LGR5: variants seen among roughly 807,000 people sequenced by gnomAD.
The protein encoded by LGR5 is leucine-rich repeat-containing G protein-coupled receptor 5.
In LGR5, 54 loss-of-function variants were observed where a neutral mutation model predicts 76.7. The observed-to-expected ratio is 0.70, with a 90% CI of 0.57 to 0.88. The LOEUF (loss-of-function observed/expected upper bound fraction) is 0.88, where lower values mean the gene tolerates loss of function less well. LGR5 is among the 40% of genes least tolerant of loss of function. The pLI is 0.00. For missense variants in LGR5, 1,078 were observed against 1,073.3 expected, an observed-to-expected ratio of 1.00 and a Z score of -0.06; for synonymous variants, 406 against 421.9, an observed-to-expected ratio of 0.96 and a Z score of 0.46.
chr12:71,471,379 G>T (rs1002197420), intron 1 of LGR5, among the ~76,000 whole-genome samples: 2 of 152,166 alleles, frequency 1.3e-5, no homozygotes, highest in Non-Finnish European at 2.9e-5. Context: ...GAGTCTGTTT[G>T]TACAAAATGT....
chr12:71,524,590 T>C, intron 3 of LGR5, 113 bp downstream of exon 3: 1 of 633,754 alleles, frequency 1.6e-6, no homozygotes, highest in Non-Finnish European at 2.7e-6. Context: ...ATGGGATAAT[T>C]CATCTAAATT....
chr12:71,440,192 T>G lies in LGR5; in HGVS notation c.112T>G (p.Cys38Gly). ...GVLLRGCPTH[C>G]HCEPDGRMLL... ...GTTGCTGAGGGGCTGCCCCACACAC[T>G]GTCATTGCGAGCCCGACGGCAGGAT... is the stretch of plus-strand genomic sequence containing the variant. The change falls in exon 1 of 18, where the codon TGT (cysteine) becomes GGT (glycine). Residue 38 changes from cysteine (C) to glycine (G), a missense_variant. Coordinates refer to ENST00000266674, the MANE Select transcript of LGR5 (RefSeq NM_003667.4). This position sits in a 1 kb window ranked among gnomAD's most constrained non-coding sequence, Gnocchi z 5.3. 6.2e-7 allele frequency: 1 copy of G among 1,612,624 alleles called. No individual in the cohort carries two copies. The highest frequency in any genetic ancestry group is 1.3e-5 in the African/African-American group (1 of 75,028).
chr12:71,519,871 A>C (rs1291164816), intron 2 of LGR5, among the ~76,000 whole-genome samples: 1 of 151,460 alleles, frequency 6.6e-6, no homozygotes, highest in East Asian at 1.9e-4. Flanking sequence ...TAATAATAAT[A>C]AAGTGGCACC....
chr12:71,478,065 T>A (rs1223591001), intron 1 of LGR5, among the ~76,000 whole-genome samples: 1 of 152,204 alleles, frequency 6.6e-6, no homozygotes, highest in Non-Finnish European at 1.5e-5. Context: ...CTTTTCTTAG[T>A]TAATAATTGA....
At chr12:71,456,919 C>G (rs1468520054) in intron 1 of LGR5, among the ~76,000 whole-genome samples, 2 of 152,040 alleles carry the variant, frequency 1.3e-5, no homozygotes, top group African/African-American at 4.8e-5. Context: ...GGTAACGTAA[C>G]TCCCTCGTCC....
chr12:71,495,750 A>G (rs1309340636), intron 1 of LGR5, among the ~76,000 whole-genome samples: 1 of 151,290 alleles, frequency 6.6e-6, no homozygotes, highest in Non-Finnish European at 1.5e-5. Flanking sequence ...CACACTTTTA[A>G]CTATTAGACT....
At chr12:71,529,017 A>C (rs1018572644) in intron 3 of LGR5, among the ~76,000 whole-genome samples, 1 of 152,224 alleles carries the variant, frequency 6.6e-6, no homozygotes, top group Non-Finnish European at 1.5e-5. Context: ...ATTCATCTGT[A>C]AGGAACACTC....
chr12:71,573,328 G>A (rs952539317), intron 13 of LGR5, among the ~76,000 whole-genome samples: 4 of 151,968 alleles, frequency 2.6e-5, no homozygotes, highest in Admixed American at 1.3e-4. Flanking sequence ...ATCACCTCGA[G>A]GAAACTAAAA....
intron 4 of LGR5, among the ~76,000 whole-genome samples, chr12:71,547,895 G>T (rs987232595): frequency 6.6e-6 from 1 of 152,002 alleles, no homozygotes; most frequent in Non-Finnish European, 1.5e-5. Flanking sequence ...TATGTAGGTG[G>T]CTGTAGATGG....
Position 71,440,784 on chromosome 12 carries a change from C to T in LGR5, c.212+492C>T, listed in dbSNP as rs1871730096. Among the ~76,000 whole-genome samples the T allele has an allele frequency of 6.6e-6, 1 of 152,222 alleles. No homozygotes were observed. ...AAGGGTTTTTAGTCTGCATCCCTTGCACTGTGACGTGATGTAACCTTTTTG... is the reference window on the plus strand; with the variant it reads ...AAGGGTTTTTAGTCTGCATCCCTTGTACTGTGACGTGATGTAACCTTTTTG... On this transcript the variant is annotated intron_variant, in intron 1 of 17. Coordinates refer to ENST00000266674, the MANE Select transcript of LGR5 (RefSeq NM_003667.4). This position sits in a 1 kb window ranked among gnomAD's most constrained non-coding sequence, Gnocchi z 5.3.
chr12:71,568,392 A>G (rs1316172954), intron 11 of LGR5, among the ~76,000 whole-genome samples: 2 of 152,172 alleles, frequency 1.3e-5, no homozygotes, highest in Non-Finnish European at 2.9e-5. Flanking sequence ...GGTTCTCATG[A>G]GGACTGATTA....
At chr12:71,465,018 G>T (rs1414328630) in intron 1 of LGR5, among the ~76,000 whole-genome samples, 3 of 152,158 alleles carry the variant, frequency 2.0e-5, no homozygotes, top group African/African-American at 7.2e-5. Flanking sequence ...CTGGCATGGA[G>T]TGGCCCTTCA....
Position 71,583,760 on chromosome 12 carries a change from A to G in LGR5, c.1750A>G (p.Arg584Gly). Residue 584 changes from arginine (R) to glycine (G), a missense_variant, in exon 18 of 18, where the codon AGA becomes GGA. Arg to Gly is a moderately radical substitution (Grantham distance 125). Coordinates refer to ENST00000266674, the MANE Select transcript of LGR5 (RefSeq NM_003667.4). ...CNALVTSTVF[R>G]SPLYISPIKL... ...TGCTTTGGTGACTTCAACAGTTTTC[A>G]GATCCCCTCTGTACATTTCCCCCAT... 2.5e-6 allele frequency: 4 copies of G among 1,614,136 alleles called. No homozygotes were observed. The highest frequency in any genetic ancestry group is 3.4e-6 in the Non-Finnish European group (4 of 1,180,046).
intron 1 of LGR5, among the ~76,000 whole-genome samples, chr12:71,461,558 T>C (rs950643327): frequency 6.6e-6 from 1 of 152,162 alleles, no homozygotes; most frequent in African/African-American, 2.4e-5. Flanking sequence ...TATTTTCTAT[T>C]GGGGGAATGA....
At chr12:71,483,602 G>C (rs1341494252) in intron 1 of LGR5, among the ~76,000 whole-genome samples, 1 of 152,182 alleles carries the variant, frequency 6.6e-6, no homozygotes, top group Non-Finnish European at 1.5e-5. Context: ...CAAAGGGGCT[G>C]GCCTCACAAG....
intron 2 of LGR5, among the ~76,000 whole-genome samples, chr12:71,514,516 C>A (rs1173293659): frequency 1.4e-5 from 2 of 146,728 alleles, no homozygotes; most frequent in African/African-American, 5.0e-5. Flanking sequence ...TGCAGTGAGC[C>A]CAGATCGCGC....
chr12:71,548,043 A>C (rs1877282565), intron 4 of LGR5, among the ~76,000 whole-genome samples: 1 of 152,182 alleles, frequency 6.6e-6, no homozygotes, highest in African/African-American at 2.4e-5. Flanking sequence ...TTCAGATGGC[A>C]TTTCAAGATC....
At chr12:71,548,899 G>C (rs926287973) in intron 4 of LGR5, among the ~76,000 whole-genome samples, 2 of 151,878 alleles carry the variant, frequency 1.3e-5, no homozygotes, top group Admixed American at 1.3e-4. Flanking sequence ...CTTAAAAGCA[G>C]AACTATATAG....
rs888195068 is a variant in LGR5, at chr12:71,553,367, C to T, written c.644+79C>T. The stretch of plus-strand genomic sequence containing the variant: ...CCTTGGCCTTAAAATGCTGGCTCTT[C>T]AAAGCTCAAATGGGGACATTTTAAG... On this transcript the variant is annotated intron_variant, in intron 5 of 17. Transcript: ENST00000266674. The T allele has an allele frequency of 4.6e-5, 56 of 1,212,776 alleles. No individual in the cohort carries two copies. In the African/African-American group the frequency reaches 7.0e-4, roughly 15 times the overall value. The allele number at this position is 1,212,776 out of a possible 1,614,324, so 75.1% of individuals were successfully genotyped here. A position where few individuals can be genotyped will look rare whatever the true frequency, so the allele number is the denominator to read the frequency against.
Sources: gnomAD v4.1 joint callset for allele counts (sites outside exome capture counted in the v4.1 genomes callset) on GRCh38, gnomAD v4.1.1 for gene constraint, Gnocchi (gnomAD v3.1) non-coding constraint, MANE v1.5 for transcripts, NCBI Gene and HGNC (gene_info 2026-07-23, HGNC 2026-07-21) for gene names.